CDH13: variants seen among roughly 807,000 people sequenced by gnomAD.
CDH13 encodes cadherin-13.
In CDH13, 24 loss-of-function variants were observed where a neutral mutation model predicts 63.8. The ratio of observed to expected loss-of-function variants is 0.38; its 90% CI spans 0.27 to 0.53. The LOEUF (loss-of-function observed/expected upper bound fraction) is 0.53. Among genes scored for constraint, CDH13 ranks in the 20% least tolerant of loss-of-function variants. CDH13 has a pLI of 0.85. For synonymous variants in CDH13, 503 were observed against 355.3 expected, an observed-to-expected ratio of 1.42 and a Z score of -4.67; for missense variants, 1,049 against 903.1, an observed-to-expected ratio of 1.16 and a Z score of -2.07.
chr16:82,936,723 A>G (rs1446996876), intron 2 of CDH13, among the ~76,000 whole-genome samples: 4 of 152,212 alleles, frequency 2.6e-5, no homozygotes, highest in Admixed American at 2.0e-4. Context: ...TGACCAAGGC[A>G]TATGTTGGAC....
intron 1 of CDH13, among the ~76,000 whole-genome samples, chr16:82,700,665 C>G (rs1025869226): frequency 2.0e-5 from 3 of 152,068 alleles, no homozygotes; most frequent in Admixed American, 1.3e-4. Context: ...ATTTCAAAAA[C>G]AGTCAGAGAA....
chr16:83,454,752 G>A (rs941144779), intron 6 of CDH13, among the ~76,000 whole-genome samples: 1 of 151,788 alleles, frequency 6.6e-6, no homozygotes, highest in Admixed American at 6.6e-5. Context: ...TATTACACAG[G>A]CAGGATTGCA....
In CDH13 at chr16:82,691,280, A is replaced by G. The variant is rs1915618640; in HGVS notation, c.45+64143A>G. On this transcript the variant is annotated intron_variant, in intron 1 of 13. Transcript: ENST00000567109. ...GAGGCCACCTGCAGTCAGTCTCCCT[A>G]TATGCCAATGGCTGCCAGCATCTTC... Among the ~76,000 whole-genome samples, 3 of 152,206 alleles carry G rather than the reference A, an allele frequency of 2.0e-5. No homozygotes were observed. The South Asian group carries it at 6.2e-4, about 31-fold the overall frequency.
At chr16:83,398,912 G>C (rs981057526) in intron 6 of CDH13, among the ~76,000 whole-genome samples, 9 of 152,140 alleles carry the variant, frequency 5.9e-5, no homozygotes, top group African/African-American at 1.9e-4. Flanking sequence ...TGCAGAGATA[G>C]GACAAAAAAT....
chr16:83,281,137 C>G (rs1217842036), intron 5 of CDH13, among the ~76,000 whole-genome samples: 3 of 152,078 alleles, frequency 2.0e-5, no homozygotes, highest in African/African-American at 7.2e-5. Context: ...TGAAGGCTGT[C>G]TCATCTACAC....
chr16:83,050,285 T>C (rs566160021), intron 3 of CDH13, among the ~76,000 whole-genome samples: 99 of 152,154 alleles, frequency 6.5e-4, no homozygotes, highest in Admixed American at 4.5e-3. Flanking sequence ...GTTCAACTCT[T>C]TGAGAAACCA....
At chr16:82,638,426 A>G (rs953270368) in intron 1 of CDH13, among the ~76,000 whole-genome samples, 2 of 152,232 alleles carry the variant, frequency 1.3e-5, no homozygotes, top group African/African-American at 2.4e-5. Flanking sequence ...TATTAAAACA[A>G]CTGAAAAGGA....
At chr16:82,831,505 G>A (rs894946510) in intron 1 of CDH13, among the ~76,000 whole-genome samples, 2 of 152,112 alleles carry the variant, frequency 1.3e-5, no homozygotes, top group African/African-American at 4.8e-5. Flanking sequence ...GTAATGAGAA[G>A]CAGCAAAGGA....
At chr16:83,019,464 T>C (rs12927684) in intron 2 of CDH13, among the ~76,000 whole-genome samples, 29,232 of 151,714 alleles carry the variant, frequency 0.19, 3,209 homozygotes, top group East Asian at 0.3. Context: ...CCTGAAGGAC[T>C]TGCCTGAGGC....
intron 10 of CDH13, among the ~76,000 whole-genome samples, chr16:83,714,515 A>G (rs1185317205): frequency 6.6e-6 from 1 of 152,194 alleles, no homozygotes; most frequent in Non-Finnish European, 1.5e-5. Flanking sequence ...TGTTCTGCAA[A>G]CATTCAGTAA....
At chr16:82,772,432 CCA>C (rs2035307326) in intron 1 of CDH13, among the ~76,000 whole-genome samples, 1 of 152,066 alleles carries the variant, frequency 6.6e-6, no homozygotes, top group Non-Finnish European at 1.5e-5. Context: ...CTGCCCCTGC[CCA>C]CACAGGCTAG....
At chr16:82,649,136 C>T (rs1027663241) in intron 1 of CDH13, among the ~76,000 whole-genome samples, 3 of 152,170 alleles carry the variant, frequency 2.0e-5, no homozygotes, top group African/African-American at 7.2e-5. Flanking sequence ...CTTGTTTAAA[C>T]CTAACAGCAA....
chr16:83,289,019 A>G (rs1426941353), intron 5 of CDH13, among the ~76,000 whole-genome samples: 1 of 152,182 alleles, frequency 6.6e-6, no homozygotes, highest in Non-Finnish European at 1.5e-5. Context: ...TTGGAACACC[A>G]CCTTTTTGAA....
chr16:83,726,257 G>A (rs1027565500), intron 10 of CDH13: 1 of 152,288 alleles, frequency 6.6e-6, no homozygotes, highest in African/African-American at 2.4e-5. Flanking sequence ...TTTTTAGATG[G>A]GGAAACTGAG....
At chr16:82,663,753 A>G (rs1912256318) in intron 1 of CDH13, among the ~76,000 whole-genome samples, 1 of 152,172 alleles carries the variant, frequency 6.6e-6, no homozygotes, top group South Asian at 2.1e-4. Context: ...AGGTCCAGCC[A>G]AAGAGCCCAC....
At chr16:83,374,790 T>C (rs2306905) in intron 6 of CDH13, among the ~76,000 whole-genome samples, 63,070 of 151,998 alleles carry the variant, frequency 0.41, 13,516 homozygotes, top group Middle Eastern at 0.47. Flanking sequence ...TAATATCTAG[T>C]CTCCTGTTCT....
At chr16:82,928,310 C>T (rs1371606977) in intron 2 of CDH13, among the ~76,000 whole-genome samples, 1 of 152,154 alleles carries the variant, frequency 6.6e-6, no homozygotes, top group Non-Finnish European at 1.5e-5. Flanking sequence ...TCTAGGTTTT[C>T]ACTTCTTATA....
intron 5 of CDH13, among the ~76,000 whole-genome samples, chr16:83,327,405 C>T (rs559606452): frequency 5.3e-5 from 8 of 152,274 alleles, no homozygotes; most frequent in South Asian, 2.1e-4. Context: ...AAAAGACAAG[C>T]GTCATTTCTT....
chr16:83,050,969 C>T lies in CDH13; in HGVS notation c.366+18751C>T, dbSNP rs569862593. Among the ~76,000 whole-genome samples, 7 of 152,290 alleles carry T rather than the reference C, an allele frequency of 4.6e-5. No homozygotes were observed. In the South Asian group the frequency reaches 1.2e-3, roughly 27 times the overall value. ...TTCTCTCTCTCCCATGTGGTTTCTA[C>T]CTGCAAACTCTTCATTACAGTGGTC... On this transcript the variant is annotated intron_variant, in intron 3 of 13. Coordinates refer to ENST00000567109, the MANE Select transcript of CDH13 (RefSeq NM_001257.5).
Sources: gnomAD v4.1 joint callset for allele counts (sites outside exome capture counted in the v4.1 genomes callset) on GRCh38, gnomAD v4.1.1 for gene constraint, MANE v1.5 for transcripts, NCBI Gene and HGNC (gene_info 2026-07-23, HGNC 2026-07-21) for gene names.